The following GABBR2 variants were observed in gnomAD, a reference collection of about 807,000 sequenced individuals.
GABBR2 encodes gamma-aminobutyric acid type B receptor subunit 2.
A neutral mutation model predicts 105.6 loss-of-function variants in GABBR2; 23 were observed. That is an observed-to-expected ratio of 0.22 (90% CI 0.16 to 0.31). GABBR2 has a LOEUF of 0.31. GABBR2 is among the 10% of genes least tolerant of loss of function. GABBR2 has a pLI of 1.00. For synonymous variants in GABBR2, 478 were observed against 499.7 expected (o/e 0.96, Z 0.58); for missense variants, 734 against 1,245.5 (o/e 0.59, Z 6.18).
At chr9:98,511,884 G>A (rs1158137930) in intron 3 of GABBR2, among the ~76,000 whole-genome samples, 1 of 152,088 alleles carries the variant, frequency 6.6e-6, no homozygotes, top group Non-Finnish European at 1.5e-5. Flanking sequence ...AGAAAAAGAG[G>A]GAATCCTCCC....
intron 6 of GABBR2, among the ~76,000 whole-genome samples, chr9:98,461,900 C>A (rs981677461): frequency 6.6e-6 from 1 of 152,164 alleles, no homozygotes; most frequent in Admixed American, 6.5e-5. Context: ...CTTAAACAGC[C>A]AGATCTCACA....
At chr9:98,669,270 G>A (rs551566721) in intron 1 of GABBR2, among the ~76,000 whole-genome samples, 83 of 152,144 alleles carry the variant, frequency 5.5e-4, no homozygotes, top group Admixed American at 2.4e-3. Flanking sequence ...GGTGTAAAGC[G>A]GTGACTCGTG....
intron 1 of GABBR2, among the ~76,000 whole-genome samples, chr9:98,597,413 C>T (rs1829254216): frequency 6.6e-6 from 1 of 152,218 alleles, no homozygotes; most frequent in Non-Finnish European, 1.5e-5. Flanking sequence ...CTGAAGCTTG[C>T]TATGTGGCAG....
At chr9:98,350,494 C>T (rs1474812902) in intron 13 of GABBR2, among the ~76,000 whole-genome samples, 2 of 152,062 alleles carry the variant, frequency 1.3e-5, no homozygotes, top group Admixed American at 6.5e-5. Context: ...TCTTCATTGA[C>T]CTAACAGTTG....
At chr9:98,548,608 G>GA (rs1828433378) in intron 2 of GABBR2, among the ~76,000 whole-genome samples, 1 of 117,930 alleles carries the variant, frequency 8.5e-6, no homozygotes, top group African/African-American at 2.7e-5. Context: ...AGAATAAAGA[G>GA]AAAAAAGCAA....
chr9:98,529,234 G>A (rs545657520), intron 3 of GABBR2, among the ~76,000 whole-genome samples: 169 of 152,252 alleles, frequency 1.1e-3, no homozygotes, highest in African/African-American at 3.9e-3. Flanking sequence ...AGAATTGTTG[G>A]AATATAGGAA....
intron 7 of GABBR2, among the ~76,000 whole-genome samples, chr9:98,420,192 G>A (rs1037730708): frequency 6.6e-6 from 1 of 152,160 alleles, no homozygotes; most frequent in Non-Finnish European, 1.5e-5. Context: ...GGATACCCTA[G>A]CTCCCCCCAC....
chr9:98,303,509 C>A, intron 15 of GABBR2, 86 bp from the exon 16 acceptor site: 4 of 1,244,718 alleles, frequency 3.2e-6, no homozygotes, highest in South Asian at 1.4e-5. Flanking sequence ...CCCAGCAGAT[C>A]CTGCTCTGGA....
intron 3 of GABBR2, among the ~76,000 whole-genome samples, chr9:98,533,637 A>T (rs1216844603): frequency 6.6e-6 from 1 of 152,104 alleles, no homozygotes; most frequent in Non-Finnish European, 1.5e-5. Flanking sequence ...CTCATCCCCC[A>T]TCCAGTGACA....
At chr9:98,351,020 A>C (rs1324611190) in intron 13 of GABBR2, among the ~76,000 whole-genome samples, 2 of 152,232 alleles carry the variant, frequency 1.3e-5, no homozygotes, top group South Asian at 4.1e-4. Flanking sequence ...TTTCTGACTT[A>C]AAGTATATTT....
intron 4 of GABBR2, among the ~76,000 whole-genome samples, chr9:98,481,647 C>T (rs1405559292): frequency 1.3e-5 from 2 of 152,174 alleles, no homozygotes; most frequent in Non-Finnish European, 2.9e-5. Flanking sequence ...CCATCTCAGC[C>T]CCAGTTTCCT....
intron 13 of GABBR2, among the ~76,000 whole-genome samples, chr9:98,332,834 C>T (rs1831051282): frequency 6.6e-6 from 1 of 152,244 alleles, no homozygotes; most frequent in African/African-American, 2.4e-5. Flanking sequence ...GTACCTTTCT[C>T]ACTTTAATTC....
chr9:98,497,132 G>T lies in GABBR2; in HGVS notation c.631-618C>A, dbSNP rs187931353. On this transcript the variant is annotated intron_variant, in intron 3 of 18. Coordinates refer to ENST00000259455, the MANE Select transcript of GABBR2 (RefSeq NM_005458.8). ...ATTACAGAATGATAGGGCTGGGCGT[G>T]GGCTCACACCTGTAATCCCAGAGCT... 9.2e-5 allele frequency among the ~76,000 whole-genome samples: 14 copies of T among 152,306 alleles called. No homozygotes were observed. The East Asian group carries it at 1.9e-3, about 21-fold the overall frequency.
intron 1 of GABBR2, among the ~76,000 whole-genome samples, chr9:98,594,693 G>A (rs550841725): frequency 9.8e-5 from 15 of 152,304 alleles, no homozygotes; most frequent in African/African-American, 3.4e-4. Context: ...AGAGGGAGGT[G>A]CAGACCTGCA....
chr9:98,292,013 C>T (rs948999193), intron 18 of GABBR2, among the ~76,000 whole-genome samples: 2 of 152,216 alleles, frequency 1.3e-5, no homozygotes, highest in African/African-American at 4.8e-5. Flanking sequence ...TTGCCACACC[C>T]TTCTGGTCTT....
chr9:98,666,412 T>C (rs763468219), intron 1 of GABBR2, among the ~76,000 whole-genome samples: 56 of 152,224 alleles, frequency 3.7e-4, no homozygotes, highest in Non-Finnish European at 7.5e-4. Flanking sequence ...CTTTAGGTTA[T>C]GGTAGGTCTA....
intron 8 of GABBR2, among the ~76,000 whole-genome samples, chr9:98,395,313 G>C (rs1034508744): frequency 6.6e-6 from 1 of 152,096 alleles, no homozygotes; most frequent in African/African-American, 2.4e-5. Flanking sequence ...CAAATACAAG[G>C]GGAAGAATAA....
At chr9:98,446,528 C>G (rs1020501421) in intron 7 of GABBR2, among the ~76,000 whole-genome samples, 1 of 152,130 alleles carries the variant, frequency 6.6e-6, no homozygotes, top group Admixed American at 6.5e-5. Flanking sequence ...TACATTTCAT[C>G]TGAGTTTGAG....
chr9:98,623,912 C>T (rs768043482), intron 1 of GABBR2, among the ~76,000 whole-genome samples: 2 of 152,150 alleles, frequency 1.3e-5, no homozygotes, highest in African/African-American at 2.4e-5. Flanking sequence ...CCACAGTCTT[C>T]TTCATATCCA....
Sources: gnomAD v4.1 joint callset for allele counts (sites outside exome capture counted in the v4.1 genomes callset) on GRCh38, gnomAD v4.1.1 for gene constraint, MANE v1.5 for transcripts, NCBI Gene and HGNC (gene_info 2026-07-23, HGNC 2026-07-21) for gene names.